RBBP4: variants seen among roughly 807,000 people sequenced by gnomAD.
The protein encoded by RBBP4 is histone-binding protein RBBP4.
A neutral mutation model predicts 57.2 loss-of-function variants in RBBP4; 3 were observed. The observed-to-expected ratio is 0.05, with a 90% confidence interval of 0.02 to 0.14. The LOEUF is 0.14. RBBP4 is among the 10% of genes least tolerant of loss of function. The probability of loss-of-function intolerance (pLI) is 1.00; values close to 1 mark genes in which losing one functional copy is unlikely to be tolerated. For missense variants in RBBP4, 107 were observed against 520.6 expected (o/e 0.21, Z 7.73); for synonymous variants, 151 against 171.5 (o/e 0.88, Z 0.93).
chr1:32,653,649 T>TG (rs1647999751), intron 2 of RBBP4, among the ~76,000 whole-genome samples: 3 of 24,006 alleles, frequency 1.2e-4, no homozygotes, highest in African/African-American at 2.6e-4. Context: ...TTTTTTTTTT[T>TG]TTTTTTTTTT....
At chr1:32,675,279 G>C (rs1649050501) in intron 11 of RBBP4, among the ~76,000 whole-genome samples, 1 of 151,486 alleles carries the variant, frequency 6.6e-6, no homozygotes, top group Non-Finnish European at 1.5e-5. Context: ...CAGGTGATCT[G>C]CCTGCCTCGG....
At chr1:32,653,645 T>TGA (rs1462880012) in intron 2 of RBBP4, among the ~76,000 whole-genome samples, 1 of 41,050 alleles carries the variant, frequency 2.4e-5, no homozygotes, top group East Asian at 7.8e-4. Context: ...TGGTTTTTTT[T>TGA]TTTTTTTTTT....
rs1649676696 is a variant in RBBP4 at position 32,684,432 on chromosome 1, C to CAA, written c.*4728_*4729insAA. ...TCTAATGAGCCAAACAATAAAAACT[C>CAA]ACATTGTCCACTCTTACTTATAAAA... On this transcript the variant is annotated 3_prime_UTR_variant, in exon 12 of 12. Transcript: ENST00000373493. 11 of 1,612,214 alleles carry CAA rather than the reference C, an allele frequency of 6.8e-6. No homozygotes were observed. Among genetic ancestry groups the CAA allele is most frequent in the Non-Finnish European group, 9.3e-6 (11 of 1,179,104 alleles).
chr1:32,671,604 C>T (rs1213383340), intron 8 of RBBP4, among the ~76,000 whole-genome samples: 1 of 152,060 alleles, frequency 6.6e-6, no homozygotes, highest in Non-Finnish European at 1.5e-5. Context: ...ATGGCACACA[C>T]CTCCAGCTAC....
At chr1:32,662,639 G>C (rs1452551665) in intron 3 of RBBP4, among the ~76,000 whole-genome samples, 1 of 152,008 alleles carries the variant, frequency 6.6e-6, no homozygotes, top group East Asian at 1.9e-4. Context: ...CTCCCAAAGT[G>C]CTGGGATTAT....
At chr1:32,651,713 C>A in intron 1 of RBBP4, 1 of 785,170 alleles carries the variant, frequency 1.3e-6, no homozygotes, top group Non-Finnish European at 2.0e-6. Context: ...TGGCCTGGAA[C>A]GGGTAACGGA....
In RBBP4 at chr1:32,680,458, G is replaced by A; in HGVS notation, c.*753G>A. ...GGTAGACTGTCAAGTTGAGAAGAGT[G>A]AATCAATAACTTGTATTTGTTTTAA... On this transcript the variant is annotated 3_prime_UTR_variant, in exon 12 of 12. Transcript: ENST00000373493. The A allele has an allele frequency of 6.8e-7, 1 of 1,476,906 alleles. No individual in the cohort carries two copies. The highest frequency in any genetic ancestry group is 1.3e-5 in the South Asian group (1 of 79,184). The allele number at this position is 1,476,906 out of a possible 1,614,324, so 91.5% of individuals were successfully genotyped here. A position where few individuals can be genotyped will look rare whatever the true frequency, so the allele number is the denominator to read the frequency against.
intron 3 of RBBP4, among the ~76,000 whole-genome samples, chr1:32,658,671 C>CA (rs1648253331): frequency 6.6e-6 from 1 of 151,678 alleles, no homozygotes; most frequent in South Asian, 2.1e-4. Context: ...CTCAGCCTCC[C>CA]AAGCAGCTGG....
At chr1:32,670,173 C>G (rs1478882006) in intron 8 of RBBP4, among the ~76,000 whole-genome samples, 3 of 152,122 alleles carry the variant, frequency 2.0e-5, no homozygotes, top group Non-Finnish European at 4.4e-5. Context: ...CCTGGCCAAC[C>G]CTGTCTATTT....
rs767898881 is a variant in RBBP4, at chr1:32,651,312, C to A, written c.6C>A (p.Ala2=). The change falls in exon 1 of 12, where the codon GCC becomes GCA. Residue 2 remains alanine, a synonymous_variant. Transcript: ENST00000373493. M[A]DKEAAFDDAV... ...CCCCGGCTCGCCTGCCCGCCATGGC[C>A]GACAAGGAAGGTGAGGGTGCCGGGG... 7 of 1,470,348 alleles carry A rather than the reference C, an allele frequency of 4.8e-6. No individual in the cohort carries two copies. Among genetic ancestry groups the A allele is most frequent in the Admixed American group, 5.2e-5 (2 of 38,592 alleles). The allele number at this position is 1,470,348 out of a possible 1,614,324, so 91.1% of individuals were successfully genotyped here.
chr1:32,673,812 T>C (rs1383357360), intron 11 of RBBP4, among the ~76,000 whole-genome samples: 4 of 152,152 alleles, frequency 2.6e-5, no homozygotes, highest in South Asian at 2.1e-4. Flanking sequence ...AAAATAGTTA[T>C]ATTCGGCCGA....
At chr1:32,653,943 C>G (rs918912012) in intron 2 of RBBP4, among the ~76,000 whole-genome samples, 1 of 151,940 alleles carries the variant, frequency 6.6e-6, no homozygotes, top group African/African-American at 2.4e-5. Flanking sequence ...CAGGCGTGAG[C>G]CACCGCGCCC....
chr1:32,682,185 A>G lies in RBBP4; in HGVS notation c.*2480A>G, dbSNP rs765566362. ...TCAACACAAAGGTAGTTAGTAGATCATTAACCTCAATTGCAAGGTTATAAT... is the reference window on the plus strand; with the variant it reads ...TCAACACAAAGGTAGTTAGTAGATCGTTAACCTCAATTGCAAGGTTATAAT... On this transcript the variant is annotated 3_prime_UTR_variant, in exon 12 of 12. Transcript: ENST00000373493. 10 of 268,732 alleles carry G rather than the reference A, an allele frequency of 3.7e-5. No individual in the cohort carries two copies. Among genetic ancestry groups the G allele is most frequent in the Non-Finnish European group, 7.1e-5 (10 of 141,664 alleles). The allele number at this position is 268,732 out of a possible 1,614,324, so 16.6% of individuals were successfully genotyped here. A position where few individuals can be genotyped will look rare whatever the true frequency, so the allele number is the denominator to read the frequency against.
rs756453494 is a variant in RBBP4 at position 32,672,907 on chromosome 1, G to C, written c.1212+6G>C. On this transcript the variant is annotated splice_donor_region_variant and intron_variant, in intron 11 of 11. Coordinates refer to ENST00000373493, the MANE Select transcript of RBBP4 (RefSeq NM_005610.3). ...TCATGCAAGTGTGGCAAATGGTAAGGGTTTAGTAATTTATTTTGGGGAGGT... is the reference window on the plus strand; with the variant it reads ...TCATGCAAGTGTGGCAAATGGTAAGCGTTTAGTAATTTATTTTGGGGAGGT... 1 of 1,591,748 alleles carries C rather than the reference G, an allele frequency of 6.3e-7. No individual in the cohort carries two copies. Among genetic ancestry groups the C allele is most frequent in the South Asian group, 1.1e-5 (1 of 90,412 alleles).
At chr1:32,672,770 T>C (rs1295382214) in intron 10 of RBBP4, 21 bp from the exon 11 acceptor site, 1 of 1,608,292 alleles carries the variant, frequency 6.2e-7, no homozygotes, top group Admixed American at 1.7e-5. Flanking sequence ...TTTCACCTCT[T>C]TGTTTTCTTC....
rs1649420185 is a variant in RBBP4, at chr1:32,681,273, T to C, written c.*1568T>C. On this transcript the variant is annotated 3_prime_UTR_variant, in exon 12 of 12. Coordinates refer to ENST00000373493, the MANE Select transcript of RBBP4 (RefSeq NM_005610.3). ...GGTTTCTTTTCAAGTCTAGTTGTTT[T>C]AGAGTATAGTGAGAAATACCTTGAC... 6.5e-6 allele frequency: 1 copy of C among 152,708 alleles called. No individual in the cohort carries two copies. The highest frequency in any genetic ancestry group is 6.5e-5 in the Admixed American group (1 of 15,314). The allele number at this position is 152,708 out of a possible 1,614,324, so 9.5% of individuals were successfully genotyped here.
intron 11 of RBBP4, among the ~76,000 whole-genome samples, chr1:32,679,174 G>C (rs1478448139): frequency 6.6e-6 from 1 of 152,146 alleles, no homozygotes; most frequent in Admixed American, 6.6e-5. Flanking sequence ...GCATGTGCCT[G>C]TAATCCTAGC....
chr1:32,669,625 T>C lies in RBBP4; in HGVS notation c.966+62T>C. The C allele has an allele frequency of 6.5e-7, 1 of 1,550,306 alleles. No individual in the cohort carries two copies. Among genetic ancestry groups the C allele is most frequent in the Non-Finnish European group, 8.7e-7 (1 of 1,151,882 alleles). Reference sequence around the variant, plus strand: ...AGAAAAACCTGCTGGGCGCGGTCGCTCACGCCTGTAATCCCAGCACTTTGG... The same window carrying C: ...AGAAAAACCTGCTGGGCGCGGTCGCCCACGCCTGTAATCCCAGCACTTTGG... On this transcript the variant is annotated intron_variant, in intron 8 of 11. Transcript: ENST00000373493. This position sits in a 1 kb window ranked among gnomAD's most constrained non-coding sequence, Gnocchi z 4.9.
intron 2 of RBBP4, among the ~76,000 whole-genome samples, chr1:32,654,840 C>G (rs1244539356): frequency 1.3e-5 from 2 of 152,046 alleles, no homozygotes; most frequent in African/African-American, 4.8e-5. Flanking sequence ...ATTACAGGCA[C>G]CCGCCACCAC....
Sources: gnomAD v4.1 joint callset for allele counts (sites outside exome capture counted in the v4.1 genomes callset) on GRCh38, gnomAD v4.1.1 for gene constraint, Gnocchi (gnomAD v3.1) non-coding constraint, MANE v1.5 for transcripts, NCBI Gene and HGNC (gene_info 2026-07-23, HGNC 2026-07-21) for gene names.